The following FGF5 variants were observed in gnomAD, a reference collection of about 807,000 sequenced individuals.
The protein encoded by FGF5 is fibroblast growth factor 5.
A neutral mutation model predicts 21.8 loss-of-function variants in FGF5; 23 were observed. The ratio of observed to expected loss-of-function variants is 1.05; its 90% CI spans 0.76 to 1.49. The LOEUF is 1.49. Ranked by LOEUF, FGF5 falls within the 40% of genes most tolerant of loss-of-function variation. The probability of loss-of-function intolerance (pLI) is 0.00; values close to 1 mark genes in which losing one functional copy is unlikely to be tolerated. For missense variants in FGF5, 352 were observed against 332.9 expected (o/e 1.06, Z -0.45); for synonymous variants, 158 against 124.0 (o/e 1.27, Z -1.82).
chr4:80,276,682 C>A (rs143687138), intron 2 of FGF5, among the ~76,000 whole-genome samples: 35 of 149,174 alleles, frequency 2.3e-4, no homozygotes, highest in African/African-American at 6.6e-4. Flanking sequence ...TCCAATGTAT[C>A]ATTCTCAGGG....
intron 2 of FGF5, among the ~76,000 whole-genome samples, chr4:80,283,776 GA>G (rs940546937): frequency 1.5e-4 from 22 of 146,350 alleles, no homozygotes; most frequent in South Asian, 4.3e-4. Flanking sequence ...TGCATTTTAA[GA>G]AAAAAAAAAC....
chr4:80,276,152 G>C (rs1287693189), intron 2 of FGF5, among the ~76,000 whole-genome samples: 1 of 151,920 alleles, frequency 6.6e-6, no homozygotes, highest in African/African-American at 2.4e-5. Flanking sequence ...TTGAGGATTC[G>C]ATGAGATAAT....
chr4:80,274,653 A>G (rs999657080), intron 1 of FGF5, among the ~76,000 whole-genome samples: 11 of 152,250 alleles, frequency 7.2e-5, no homozygotes, highest in Middle Eastern at 3.4e-3. Flanking sequence ...TACTAAAAGC[A>G]ACTTATTTGT....
At position 80,268,458 on chromosome 4, in the gene FGF5, G is replaced by A. The variant is rs1216316211; in HGVS notation, c.355+1279G>A. ...CTCCATCTCAGACCAAAGACTCCAC[G>A]GGCCATTGGGCTCCTTCTTACACAG... On this transcript the variant is annotated intron_variant, in intron 1 of 2. Coordinates refer to ENST00000312465, the MANE Select transcript of FGF5 (RefSeq NM_004464.4). The A allele has an allele frequency of 4.1e-6, 4 of 985,560 alleles. No individual in the cohort carries two copies. In the African/African-American group the frequency reaches 5.2e-5, roughly 13 times the overall value. 61.1% of individuals were successfully genotyped at this position (985,560 alleles called of 1,614,324 possible).
chr4:80,281,374 T>C (rs1345715694), intron 2 of FGF5, among the ~76,000 whole-genome samples: 1 of 152,238 alleles, frequency 6.6e-6, no homozygotes, highest in Non-Finnish European at 1.5e-5. Flanking sequence ...GGTCTATAGT[T>C]GTTTTTATTA....
At position 80,286,896 on chromosome 4, in the gene FGF5, G is replaced by A; in HGVS notation, c.*224G>A. ...GGAGCACACTCCTTCAGTTCAGCAA[G>A]ACATAAAGCCTTTTGCTTTATGCTT... On this transcript the variant is annotated 3_prime_UTR_variant, in exon 3 of 3. Transcript: ENST00000312465. 4.2e-6 allele frequency: 2 copies of A among 473,070 alleles called. No individual in the cohort carries two copies. Among genetic ancestry groups the A allele is most frequent in the East Asian group, 6.2e-5 (2 of 32,198 alleles). The allele number at this position is 473,070 out of a possible 1,614,324, so 29.3% of individuals were successfully genotyped here.
rs1036105185 is a variant in FGF5, at chr4:80,289,411, G to T, written c.*2739G>T. The T allele has an allele frequency of 1.3e-5, 2 of 151,878 alleles. No individual in the cohort carries two copies. Among genetic ancestry groups the T allele is most frequent in the South Asian group, 4.1e-4 (2 of 4,824 alleles). The allele number at this position is 151,878 out of a possible 1,614,324, so 9.4% of individuals were successfully genotyped here. A position where few individuals can be genotyped will look rare whatever the true frequency, so the allele number is the denominator to read the frequency against. On this transcript the variant is annotated 3_prime_UTR_variant, in exon 3 of 3. Coordinates refer to ENST00000312465, the MANE Select transcript of FGF5 (RefSeq NM_004464.4). ...ACTAATGCTTACAACTTTCTAAGAG[G>T]GTTCTTGCTTATGTAGCTTTTTATT...
At chr4:80,279,097 A>C (rs1431667984) in intron 2 of FGF5, among the ~76,000 whole-genome samples, 1 of 152,038 alleles carries the variant, frequency 6.6e-6, no homozygotes, top group Non-Finnish European at 1.5e-5. Flanking sequence ...GCCTTTCTGG[A>C]TTTATCTGAG....
Position 80,288,347 on chromosome 4 carries a change from A to G in FGF5, c.*1675A>G, listed in dbSNP as rs1344938942. ...TATATAACAAATAATATATTAAAAA[A>G]CCCATCCATCAACTAAAACATTATA... is the stretch of plus-strand genomic sequence containing the variant. On this transcript the variant is annotated 3_prime_UTR_variant, in exon 3 of 3. Transcript: ENST00000312465. 6.6e-6 allele frequency: 1 copy of G among 151,982 alleles called. No homozygotes were observed. The highest frequency in any genetic ancestry group is 1.5e-5 in the Non-Finnish European group (1 of 67,982). The allele number at this position is 151,982 out of a possible 1,614,324, so 9.4% of individuals were successfully genotyped here.
At chr4:80,276,040 G>T (rs1435052740) in intron 2 of FGF5, among the ~76,000 whole-genome samples, 1 of 151,944 alleles carries the variant, frequency 6.6e-6, no homozygotes, top group Non-Finnish European at 1.5e-5. Flanking sequence ...ACGCCACTTG[G>T]TTTAATGTGT....
At chr4:80,271,881 C>T (rs879430319) in intron 1 of FGF5, among the ~76,000 whole-genome samples, 1 of 152,222 alleles carries the variant, frequency 6.6e-6, no homozygotes, top group East Asian at 1.9e-4. Flanking sequence ...ATTTAAGGCA[C>T]ATGGGTTTAA....
Position 80,288,981 on chromosome 4 carries a change from T to C in FGF5, c.*2309T>C, listed in dbSNP as rs1045645270. ...ATTACACAATTACACTTGTCTTTACTGGCCATACAAAATGATTTTTTTTTT... is the reference window on the plus strand; with the variant it reads ...ATTACACAATTACACTTGTCTTTACCGGCCATACAAAATGATTTTTTTTTT... On this transcript the variant is annotated 3_prime_UTR_variant, in exon 3 of 3. Coordinates refer to ENST00000312465, the MANE Select transcript of FGF5 (RefSeq NM_004464.4). 1 of 151,420 alleles carries C rather than the reference T, an allele frequency of 6.6e-6. No individual in the cohort carries two copies. Among genetic ancestry groups the C allele is most frequent in the African/African-American group, 2.5e-5 (1 of 40,550 alleles). The allele number at this position is 151,420 out of a possible 1,614,324, so 9.4% of individuals were successfully genotyped here.
intron 1 of FGF5, among the ~76,000 whole-genome samples, chr4:80,273,778 C>T (rs1578292784): frequency 6.6e-6 from 1 of 152,036 alleles, no homozygotes; most frequent in African/African-American, 2.4e-5. Flanking sequence ...CTCCTGGTAT[C>T]AGGCGATCCT....
chr4:80,273,610 C>T (rs751312669), intron 1 of FGF5, among the ~76,000 whole-genome samples: 7 of 152,032 alleles, frequency 4.6e-5, no homozygotes, highest in Admixed American at 6.6e-5. Flanking sequence ...ATTGAGATAT[C>T]CTAATTAGTA....
chr4:80,276,266 A>T (rs1720407506), intron 2 of FGF5, among the ~76,000 whole-genome samples: 1 of 152,016 alleles, frequency 6.6e-6, no homozygotes, highest in Non-Finnish European at 1.5e-5. Flanking sequence ...AATATAATAA[A>T]TTACTAAAAT....
At chr4:80,281,108 C>T (rs1720540951) in intron 2 of FGF5, among the ~76,000 whole-genome samples, 1 of 152,004 alleles carries the variant, frequency 6.6e-6, no homozygotes, top group Admixed American at 6.6e-5. Context: ...GGAGATATGG[C>T]CGTGCCTGGG....
intron 1 of FGF5, chr4:80,268,351 G>T: frequency 2.5e-6 from 1 of 407,914 alleles, no homozygotes; most frequent in African/African-American, 2.2e-5. Context: ...CAGGGAGACC[G>T]GAAATGTAGC....
chr4:80,273,906 A>C (rs989817852), intron 1 of FGF5, among the ~76,000 whole-genome samples: 3 of 152,046 alleles, frequency 2.0e-5, no homozygotes, highest in Non-Finnish European at 2.9e-5. Context: ...ATCTCTTTTT[A>C]AAAATTTTGA....
At chr4:80,286,276 C>T in intron 2 of FGF5, 49 bp from the exon 3 acceptor site, 1 of 1,300,120 alleles carries the variant, frequency 7.7e-7, no homozygotes, top group African/African-American at 1.5e-5. Context: ...TTATTACATG[C>T]TGAAAAGATC....
Sources: gnomAD v4.1 joint callset for allele counts (sites outside exome capture counted in the v4.1 genomes callset) on GRCh38, gnomAD v4.1.1 for gene constraint, MANE v1.5 for transcripts, NCBI Gene and HGNC (gene_info 2026-07-23, HGNC 2026-07-21) for gene names.